FNTB: variants seen among roughly 807,000 people sequenced by gnomAD.
FNTB encodes farnesyltransferase, CAAX box, subunit beta.
Under a neutral mutation model 59.4 loss-of-function variants are expected in FNTB, and 27 were observed. The observed-to-expected ratio is 0.45, with a 90% confidence interval of 0.34 to 0.63. The LOEUF (loss-of-function observed/expected upper bound fraction) is 0.63. Among genes scored for constraint, FNTB ranks in the 20% least tolerant of loss-of-function variants. The pLI is 0.02. For missense variants in FNTB, 449 were observed against 559.6 expected, an observed-to-expected ratio of 0.80 and a Z score of 1.99; for synonymous variants, 230 against 220.7, an observed-to-expected ratio of 1.04 and a Z score of -0.37.
At chr14:65,024,597 C>T (rs534117071) in intron 4 of FNTB, among the ~76,000 whole-genome samples, 1 of 152,256 alleles carries the variant, frequency 6.6e-6, no homozygotes, top group African/African-American at 2.4e-5. Context: ...AAATGCCTTG[C>T]TGACGTTAAA....
At chr14:65,005,736 A>C (rs1004044876) in intron 2 of FNTB, among the ~76,000 whole-genome samples, 4 of 152,046 alleles carry the variant, frequency 2.6e-5, no homozygotes, top group African/African-American at 9.7e-5. Flanking sequence ...AATTCCTGCG[A>C]ATCCTTTCAG....
intron 9 of FNTB, chr14:65,053,035 C>A: frequency 2.8e-6 from 1 of 359,732 alleles, no homozygotes; most frequent in Non-Finnish European, 4.9e-6. Context: ...CTTTGAATTG[C>A]TGCTCTTTGA....
intron 11 of FNTB, among the ~76,000 whole-genome samples, chr14:65,055,829 C>A (rs1025320936): frequency 2.6e-5 from 4 of 152,124 alleles, no homozygotes; most frequent in Non-Finnish European, 5.9e-5. Flanking sequence ...ATCTTTGTTT[C>A]TTTTAATTGG....
intron 8 of FNTB, among the ~76,000 whole-genome samples, chr14:65,042,174 C>T (rs1439207107): frequency 2.6e-5 from 4 of 151,576 alleles, no homozygotes; most frequent in African/African-American, 7.3e-5. Context: ...ATAATTTTTC[C>T]GTGGACCTGG....
chr14:65,044,613 G>A lies in FNTB; in HGVS notation c.955+170G>A, dbSNP rs960392513. On this transcript the variant is annotated intron_variant, in intron 9 of 11. Coordinates refer to ENST00000246166, the MANE Select transcript of FNTB (RefSeq NM_002028.4). This position sits in a 1 kb window ranked among gnomAD's most constrained non-coding sequence, Gnocchi z 5.5. ...CGTGGGGCATGCGAATGCAGAGTAA[G>A]ATTTAGTTTCATTGGTTTAGTGTCA... The A allele has an allele frequency of 5.0e-5, 50 of 993,218 alleles. No homozygotes were observed. Among genetic ancestry groups the A allele is most frequent in the Middle Eastern group, 4.3e-4 (2 of 4,646 alleles). The allele number at this position is 993,218 out of a possible 1,614,324, so 61.5% of individuals were successfully genotyped here.
At position 65,011,621 on chromosome 14, in the gene FNTB, C is replaced by A. The variant is rs2061684918; in HGVS notation, c.210-696C>A. ...CTTTTTGTTTCCTTCCCTAGTCACACAGGCTCTTCTGCCAGACCAAGAAAG... is the reference window on the plus strand; with the variant it reads ...CTTTTTGTTTCCTTCCCTAGTCACAAAGGCTCTTCTGCCAGACCAAGAAAG... On this transcript the variant is annotated intron_variant, in intron 2 of 11. Coordinates refer to ENST00000246166, the MANE Select transcript of FNTB (RefSeq NM_002028.4). The surrounding 1 kb of genome is among the most constrained non-coding windows in gnomAD (Gnocchi z 4.0). Among the ~76,000 whole-genome samples the A allele has an allele frequency of 2.0e-5, 3 of 152,186 alleles. No homozygotes were observed. In the South Asian group the frequency reaches 6.2e-4, roughly 31 times the overall value.
At chr14:65,053,828 C>G (rs1009096832) in intron 10 of FNTB, among the ~76,000 whole-genome samples, 1 of 152,106 alleles carries the variant, frequency 6.6e-6, no homozygotes, top group Non-Finnish European at 1.5e-5. Context: ...TCTGTCTTCC[C>G]CCATCCCAGC....
chr14:65,034,470 G>A (rs2062148755), intron 7 of FNTB, among the ~76,000 whole-genome samples: 2 of 152,088 alleles, frequency 1.3e-5, no homozygotes, highest in African/African-American at 2.4e-5. Flanking sequence ...ACTTGGCAAT[G>A]GTATAAACTG....
At position 65,001,807 on chromosome 14, in the gene FNTB, G is replaced by T. The variant is rs756637736; in HGVS notation, c.145-2442G>T. ...TTTATTTTAGCTGCATGAGTGTCAG[G>T]AATGGAAAAAGAATTATGATTCTGG... On this transcript the variant is annotated intron_variant, in intron 1 of 11. Transcript: ENST00000246166. The surrounding 1 kb of genome is among the most constrained non-coding windows in gnomAD (Gnocchi z 5.5). Among the ~76,000 whole-genome samples the T allele has an allele frequency of 1.8e-4, 28 of 152,282 alleles. No homozygotes were observed. The highest frequency in any genetic ancestry group is 3.4e-4 in the Non-Finnish European group (23 of 68,008).
intron 7 of FNTB, among the ~76,000 whole-genome samples, chr14:65,037,498 G>C (rs964133537): frequency 7.4e-5 from 9 of 122,444 alleles, no homozygotes; most frequent in African/African-American, 2.5e-4. Context: ...GCAGTGACAC[G>C]ATCATGGTTC....
chr14:65,060,961 G>GTTAAATAT (rs1328516398), intron 11 of FNTB, among the ~76,000 whole-genome samples: 1 of 149,606 alleles, frequency 6.7e-6, no homozygotes, highest in Non-Finnish European at 1.5e-5. Context: ...TGCCTGTATC[G>GTTAAATAT]TTAAATATTT....
In FNTB at chr14:65,032,653, A is replaced by G. The variant is rs1191234288; in HGVS notation, c.649A>G (p.Ile217Val). Residue 217 changes from isoleucine to valine, a missense_variant, in exon 7 of 12, where the codon ATC (isoleucine) becomes GTC (valine). Ile to Val is a conservative substitution (Grantham distance 29, BLOSUM62 3). This residue lies in a region of FNTB where 337 missense variants were observed against 479.1 expected (regional missense o/e 0.70). Transcript: ENST00000246166. The surrounding 1 kb of genome is among the most constrained non-coding windows in gnomAD (Gnocchi z 5.0). ...CTCCGTAGCCTCGCTGACCAACATC[A>G]TCACTCCAGACCTCTTTGAGGGCAC... Reference protein sequence around the residue: ...AASVASLTNIITPDLFEGTAE... With the variant: ...AASVASLTNIVTPDLFEGTAE... 1 of 1,613,968 alleles carries G rather than the reference A, an allele frequency of 6.2e-7. No homozygotes were observed. The highest frequency in any genetic ancestry group is 2.2e-5 in the East Asian group (1 of 44,876).
At chr14:64,996,362 G>A (rs762603930) in intron 1 of FNTB, among the ~76,000 whole-genome samples, 3 of 152,186 alleles carry the variant, frequency 2.0e-5, no homozygotes, top group South Asian at 2.1e-4. Flanking sequence ...CCTGTGCCCT[G>A]TCAGGAGCAG....
chr14:64,988,974 C>T (rs532024332), intron 1 of FNTB, among the ~76,000 whole-genome samples: 1 of 151,946 alleles, frequency 6.6e-6, no homozygotes, highest in Non-Finnish European at 1.5e-5. Context: ...TCATTCAATC[C>T]TTTCACTTTT....
chr14:65,037,346 G>A lies in FNTB; in HGVS notation c.693-3444G>A, dbSNP rs145164527. Among the ~76,000 whole-genome samples, 458 of 133,744 alleles carry A rather than the reference G, an allele frequency of 3.4e-3. 4 individuals carry two copies. Among genetic ancestry groups the A allele is most frequent in the African/African-American group, 0.011 (403 of 35,660 alleles). The allele number at this position is 133,744 out of a possible 152,430, so 87.7% of individuals were successfully genotyped here. ...CTCGAACTCCTGACCTCAAGTGATC[G>A]CCTGCCTCGGCCTCCCAAAGTGCTG... On this transcript the variant is annotated intron_variant, in intron 7 of 11. Coordinates refer to ENST00000246166, the MANE Select transcript of FNTB (RefSeq NM_002028.4).
At chr14:65,008,617 TA>T (rs1566866798) in intron 2 of FNTB, among the ~76,000 whole-genome samples, 1 of 152,238 alleles carries the variant, frequency 6.6e-6, no homozygotes, top group Non-Finnish European at 1.5e-5. Context: ...GTAGGTGGAA[TA>T]GGGGTGGCTA....
chr14:65,035,457 A>G (rs891081567), intron 7 of FNTB, among the ~76,000 whole-genome samples: 1 of 152,140 alleles, frequency 6.6e-6, no homozygotes, highest in Non-Finnish European at 1.5e-5. Context: ...CGGAACTCAG[A>G]CAGCCTGGGT....
intron 1 of FNTB, among the ~76,000 whole-genome samples, chr14:65,000,984 A>G (rs1372904059): frequency 1.3e-5 from 2 of 152,132 alleles, no homozygotes; most frequent in African/African-American, 2.4e-5. Flanking sequence ...CATGAAGATA[A>G]TGGATGAGGC....
intron 9 of FNTB, among the ~76,000 whole-genome samples, chr14:65,050,542 G>T (rs2062583633): frequency 6.6e-6 from 1 of 152,160 alleles, no homozygotes; most frequent in Admixed American, 6.5e-5. Flanking sequence ...AGTGAGCTGA[G>T]ATCACACCAC....
Sources: allele counts gnomAD v4.1 joint callset (sites outside exome capture counted in the v4.1 genomes callset), GRCh38; gene constraint gnomAD v4.1.1; regional missense constraint gnomAD v4.1.1; non-coding constraint Gnocchi (gnomAD v3.1); transcripts MANE v1.5; gene names NCBI Gene and HGNC (gene_info 2026-07-23, HGNC 2026-07-21).